CRTAP: variants seen among roughly 807,000 people sequenced by gnomAD.
The protein encoded by CRTAP is cartilage-associated protein.
A neutral mutation model predicts 42.7 loss-of-function variants in CRTAP; 33 were observed. The observed-to-expected ratio is 0.77, with a 90% CI of 0.59 to 1.03. The LOEUF (loss-of-function observed/expected upper bound fraction) is 1.03, where lower values mean the gene tolerates loss of function less well. Ranked by LOEUF, CRTAP falls within the 50% of genes least tolerant of loss-of-function variation. The probability of loss-of-function intolerance (pLI) is 0.00; values close to 1 mark genes in which losing one functional copy is unlikely to be tolerated. For missense variants in CRTAP, 613 were observed against 533.9 expected (o/e 1.15, Z -1.46); for synonymous variants, 243 against 217.7 (o/e 1.12, Z -1.02).
intron 2 of CRTAP, 121 bp downstream of exon 2, chr3:33,120,614 T>C: frequency 7.0e-7 from 1 of 1,432,156 alleles, no homozygotes. Flanking sequence ...TTGCTGAATA[T>C]TATGACAATA....
At chr3:33,125,972 C>T (rs920167875) in intron 3 of CRTAP, among the ~76,000 whole-genome samples, 3 of 152,112 alleles carry the variant, frequency 2.0e-5, no homozygotes, top group Non-Finnish European at 4.4e-5. Context: ...GTAAAATATA[C>T]GTTAATATGA....
At chr3:33,123,181 A>G (rs376712165) in intron 2 of CRTAP, among the ~76,000 whole-genome samples, 2 of 152,182 alleles carry the variant, frequency 1.3e-5, no homozygotes, top group African/African-American at 4.8e-5. Flanking sequence ...CCTAGTAACT[A>G]GTGCTGATGC....
chr3:33,138,591 A>G (rs2030488641), intron 6 of CRTAP, among the ~76,000 whole-genome samples: 1 of 152,224 alleles, frequency 6.6e-6, no homozygotes, highest in Admixed American at 6.5e-5. Flanking sequence ...TAGAAATACA[A>G]TAGATTTTGT....
Position 33,146,847 on chromosome 3 carries a change from G to A in CRTAP, c.*4399G>A, listed in dbSNP as rs1272874579. 6 of 152,128 alleles carry A rather than the reference G, an allele frequency of 3.9e-5. No homozygotes were observed. Among genetic ancestry groups the A allele is most frequent in the Non-Finnish European group, 8.8e-5 (6 of 68,002 alleles). 9.4% of individuals were successfully genotyped at this position (152,128 alleles called of 1,614,324 possible). A position where few individuals can be genotyped will look rare whatever the true frequency, so the allele number is the denominator to read the frequency against. ...TTCTGCCAACATTTATGGAAATAACGTTTCTAGGTTTTAAATGTGAGCCGT... is the reference window on the plus strand; with the variant it reads ...TTCTGCCAACATTTATGGAAATAACATTTCTAGGTTTTAAATGTGAGCCGT... On this transcript the variant is annotated 3_prime_UTR_variant, in exon 7 of 7. Transcript: ENST00000320954.
At chr3:33,130,180 A>G in intron 4 of CRTAP, 113 bp downstream of exon 4, 2 of 1,054,962 alleles carry the variant, frequency 1.9e-6, no homozygotes, top group Non-Finnish European at 2.9e-6. Context: ...GTCCACTGAC[A>G]ACCCTGGTGC....
intron 1 of CRTAP, among the ~76,000 whole-genome samples, chr3:33,119,527 T>C (rs1444641494): frequency 6.6e-6 from 1 of 151,964 alleles, no homozygotes; most frequent in Non-Finnish European, 1.5e-5. Flanking sequence ...CTTATTGTTA[T>C]AGACCCACAA....
chr3:33,114,370 C>T lies in CRTAP; in HGVS notation c.293C>T (p.Ala98Val), dbSNP rs773998539. Residue 98 changes from alanine to valine, a missense_variant, in exon 1 of 7, where the codon GCC becomes GTC. By Grantham distance (64) the Ala-to-Val change is moderately conservative. Coordinates refer to ENST00000320954, the MANE Select transcript of CRTAP (RefSeq NM_006371.5). ...CSAAPQPEPA[A>V]GLASYPELRL... ...GCCGCGCCGCAGCCCGAGCCCGCCG[C>T]CGGCCTCGCCAGCTATCCCGAGCTG... 6.6e-7 allele frequency: 1 copy of T among 1,523,798 alleles called. No homozygotes were observed. Among genetic ancestry groups the T allele is most frequent in the South Asian group, 1.2e-5 (1 of 82,324 alleles). The allele number at this position is 1,523,798 out of a possible 1,614,324, so 94.4% of individuals were successfully genotyped here. A position where few individuals can be genotyped will look rare whatever the true frequency, so the allele number is the denominator to read the frequency against.
rs1272874579 is a variant in CRTAP at position 33,146,847 on chromosome 3, G to T, written c.*4399G>T. 1 of 152,128 alleles carries T rather than the reference G, an allele frequency of 6.6e-6. No homozygotes were observed. Among genetic ancestry groups the T allele is most frequent in the Non-Finnish European group, 1.5e-5 (1 of 68,002 alleles). The allele number at this position is 152,128 out of a possible 1,614,324, so 9.4% of individuals were successfully genotyped here. A position where few individuals can be genotyped will look rare whatever the true frequency, so the allele number is the denominator to read the frequency against. On this transcript the variant is annotated 3_prime_UTR_variant, in exon 7 of 7. Transcript: ENST00000320954. ...TTCTGCCAACATTTATGGAAATAAC[G>T]TTTCTAGGTTTTAAATGTGAGCCGT...
intron 2 of CRTAP, 22 bp downstream of exon 2, chr3:33,120,515 G>T: frequency 6.3e-7 from 1 of 1,583,572 alleles, no homozygotes; most frequent in Middle Eastern, 1.7e-4. Flanking sequence ...TTTTTATGTG[G>T]CAGTTAGTGG....
rs1233933382 is a variant in CRTAP at position 33,114,037 on chromosome 3, C to A, written c.-41C>A. On this transcript the variant is annotated 5_prime_UTR_variant, in exon 1 of 7. Transcript: ENST00000320954. ...TTCCTTTCCTTCTCCCTCCCCTTTT[C>A]CCTTCCTTCGTCCCTTCCTTCCTTC... 1.4e-6 allele frequency: 2 copies of A among 1,396,238 alleles called. No homozygotes were observed. The highest frequency in any genetic ancestry group is 5.7e-5 in the Admixed American group (2 of 35,368). The allele number at this position is 1,396,238 out of a possible 1,614,324, so 86.5% of individuals were successfully genotyped here.
chr3:33,128,030 G>A (rs1575517363), intron 3 of CRTAP, among the ~76,000 whole-genome samples: 1 of 152,182 alleles, frequency 6.6e-6, no homozygotes, highest in Admixed American at 6.5e-5. Context: ...TTATAGGCTT[G>A]AGCCACCGCA....
Position 33,146,464 on chromosome 3 carries a change from C to G in CRTAP, c.*4016C>G, listed in dbSNP as rs1040185196. On this transcript the variant is annotated 3_prime_UTR_variant, in exon 7 of 7. Coordinates refer to ENST00000320954, the MANE Select transcript of CRTAP (RefSeq NM_006371.5). ...TGTTCACACTTGACTTGTGGAGAAG[C>G]GAAGGGCTGAGGGGAGGTTTGTGTA... 4 of 152,354 alleles carry G rather than the reference C, an allele frequency of 2.6e-5. No homozygotes were observed. Among genetic ancestry groups the G allele is most frequent in the African/African-American group, 9.6e-5 (4 of 41,546 alleles). 9.4% of individuals were successfully genotyped at this position (152,354 alleles called of 1,614,324 possible).
intron 1 of CRTAP, 152 bp from the exon 2 acceptor site, chr3:33,120,192 C>T: frequency 1.4e-6 from 1 of 739,240 alleles, no homozygotes; most frequent in Non-Finnish European, 2.4e-6. Flanking sequence ...AGTGCCTGGA[C>T]TTGGTCTTGA....
At chr3:33,133,909 A>G (rs2030345562) in intron 5 of CRTAP, among the ~76,000 whole-genome samples, 1 of 152,194 alleles carries the variant, frequency 6.6e-6, no homozygotes, top group Non-Finnish European at 1.5e-5. Context: ...GGATTTCTAT[A>G]TGCCATCTTG....
intron 1 of CRTAP, among the ~76,000 whole-genome samples, chr3:33,115,923 T>TAA (rs11372883): frequency 3.3e-5 from 5 of 151,048 alleles, no homozygotes; most frequent in African/African-American, 1.2e-4. Flanking sequence ...TTCTGGCAAT[T>TAA]AAAAAAAAAC....
Position 33,120,464 on chromosome 3 carries a change from A to G in CRTAP, c.592A>G (p.Ile198Val), listed in dbSNP as rs1200962163. Residue 198 changes from isoleucine (I) to valine (V), a missense_variant, in exon 2 of 7, where the codon ATT (isoleucine) becomes GTT (valine). Ile to Val is a conservative substitution (Grantham distance 29). Coordinates refer to ENST00000320954, the MANE Select transcript of CRTAP (RefSeq NM_006371.5). ...YKSLPGAEDY[I>V]KDLETKSYES... ...GAGCCTGCCTGGTGCCGAGGACTAC[A>G]TTAAAGACCTGGAAACCAAGTCATA... The G allele has an allele frequency of 2.5e-6, 4 of 1,612,068 alleles. No individual in the cohort carries two copies. Among genetic ancestry groups the G allele is most frequent in the South Asian group, 2.2e-5 (2 of 91,036 alleles).
intron 3 of CRTAP, among the ~76,000 whole-genome samples, chr3:33,125,440 G>GTT (rs1184905992): frequency 3.3e-5 from 1 of 30,154 alleles, no homozygotes; most frequent in Non-Finnish European, 7.3e-5. Flanking sequence ...TTTCGGTTTT[G>GTT]TTTTTTTTTT....
At chr3:33,117,507 C>T (rs1190832593) in intron 1 of CRTAP, among the ~76,000 whole-genome samples, 5 of 152,194 alleles carry the variant, frequency 3.3e-5, no homozygotes, top group East Asian at 1.9e-4. Context: ...CCATCTTCCA[C>T]GAAAAACTCA....
Position 33,120,543 on chromosome 3 carries a change from G to A in CRTAP, c.621+50G>A, listed in dbSNP as rs762626526. 2.6e-6 allele frequency: 4 copies of A among 1,559,810 alleles called. No homozygotes were observed. The African/African-American group carries it at 4.1e-5, about 16-fold the overall frequency. ...GTTAGTGGCAACCTGGACTGTTAAA[G>A]AAATGTCTCTCCATAAGCAGCTGCT... is the stretch of plus-strand genomic sequence containing the variant. On this transcript the variant is annotated intron_variant, in intron 2 of 6. Coordinates refer to ENST00000320954, the MANE Select transcript of CRTAP (RefSeq NM_006371.5).
Sources: gnomAD v4.1 joint callset for allele counts (sites outside exome capture counted in the v4.1 genomes callset) on GRCh38, gnomAD v4.1.1 for gene constraint, MANE v1.5 for transcripts, NCBI Gene and HGNC (gene_info 2026-07-23, HGNC 2026-07-21) for gene names.